ABCA10: variants seen among roughly 807,000 people sequenced by gnomAD.
ABCA10 encodes ATP-binding cassette sub-family A member 10.
Under a neutral mutation model 187.5 loss-of-function variants are expected in ABCA10, and 169 were observed. The ratio of observed to expected loss-of-function variants is 0.90; its 90% CI spans 0.80 to 1.02. The LOEUF is 1.02. Among genes scored for constraint, ABCA10 ranks in the 50% least tolerant of loss-of-function variants. ABCA10 has a pLI of 0.00. For missense variants in ABCA10, 1,727 were observed against 1,812.4 expected, an observed-to-expected ratio of 0.95 and a Z score of 0.86; for synonymous variants, 574 against 601.8, an observed-to-expected ratio of 0.95 and a Z score of 0.68.
upstream of ABCA10, chr17:69,233,788 G>C (rs1401321367): frequency 1.3e-5 from 2 of 152,232 alleles, no homozygotes; most frequent in East Asian, 1.9e-4. Flanking sequence ...CTCAGCATTA[G>C]AGCATTAAAG....
At chr17:69,150,351 C>G (rs1328305410) in intron 36 of ABCA10, 2 of 235,150 alleles carry the variant, frequency 8.5e-6, no homozygotes, top group Non-Finnish European at 1.7e-5. Context: ...TTCTTACTTA[C>G]TCTCAAAAAG....
intron 25 of ABCA10, among the ~76,000 whole-genome samples, chr17:69,170,163 C>G (rs915010003): frequency 6.6e-6 from 1 of 151,716 alleles, no homozygotes; most frequent in East Asian, 1.9e-4. Flanking sequence ...TGGCGCACAC[C>G]TGTAGTCCCA....
chr17:69,158,441 G>C (rs1003716200), intron 27 of ABCA10, among the ~76,000 whole-genome samples: 2 of 151,598 alleles, frequency 1.3e-5, no homozygotes, highest in African/African-American at 4.8e-5. Flanking sequence ...TAGAAACCTA[G>C]CTAGAACGTG....
At chr17:69,189,819 A>G (rs1402438477) in intron 18 of ABCA10, among the ~76,000 whole-genome samples, 2 of 152,154 alleles carry the variant, frequency 1.3e-5, no homozygotes, top group African/African-American at 4.8e-5. Flanking sequence ...TTTGTTGAAG[A>G]TCAGATGACT....
chr17:69,228,369 A>G (rs1267847256), intron 1 of ABCA10, among the ~76,000 whole-genome samples: 1 of 151,994 alleles, frequency 6.6e-6, no homozygotes, highest in Non-Finnish European at 1.5e-5. Flanking sequence ...ACACCTCTGA[A>G]TCTAGCCATC....
In ABCA10 at chr17:69,208,502, A is replaced by T. The variant is rs577707754; in HGVS notation, c.1006+6202T>A. Among the ~76,000 whole-genome samples the T allele has an allele frequency of 4.6e-5, 7 of 152,204 alleles. No individual in the cohort carries two copies. The East Asian group carries it at 1.3e-3, about 29-fold the overall frequency. On this transcript the variant is annotated intron_variant, in intron 9 of 38. Transcript: ENST00000690296. ...AAACCAAAAATTTAGTATGGCACAG[A>T]ATTACAAAACAGAAAAAATTTAACT...
chr17:69,218,117 C>T (rs1047283597), intron 6 of ABCA10, among the ~76,000 whole-genome samples: 4 of 152,044 alleles, frequency 2.6e-5, no homozygotes, highest in East Asian at 1.9e-4. Flanking sequence ...ATGTACCCCA[C>T]AGTATATACA....
chr17:69,222,315 G>A (rs1485055200), intron 4 of ABCA10, among the ~76,000 whole-genome samples: 1 of 147,552 alleles, frequency 6.8e-6, no homozygotes, highest in Non-Finnish European at 1.5e-5. Context: ...TCCAGCCAGG[G>A]TGACAGAGGG....
upstream of ABCA10, chr17:69,228,835 C>T (rs574088199): frequency 2.6e-5 from 4 of 151,868 alleles, no homozygotes; most frequent in Non-Finnish European, 4.4e-5. Context: ...GTTGGCTGAG[C>T]GCATCATTGG....
At chr17:69,157,994 C>T (rs2074187023) in intron 27 of ABCA10, among the ~76,000 whole-genome samples, 1 of 151,666 alleles carries the variant, frequency 6.6e-6, no homozygotes, top group African/African-American at 2.4e-5. Flanking sequence ...ATTAATCATT[C>T]TTAACAGAGG....
chr17:69,237,953 G>A (rs1052616649), intron 1 of ABCA10, among the ~76,000 whole-genome samples: 2 of 152,152 alleles, frequency 1.3e-5, no homozygotes, highest in South Asian at 4.2e-4. Flanking sequence ...ATGAGGTCAG[G>A]AGTTTGAGAC....
chr17:69,182,957 A>T, intron 20 of ABCA10, 149 bp from the exon 21 acceptor site: 1 of 853,388 alleles, frequency 1.2e-6, no homozygotes, highest in South Asian at 2.8e-5. Flanking sequence ...GTACAATACT[A>T]TTCATTCTGA....
At chr17:69,153,597 T>C (rs768365311) in intron 32 of ABCA10, 51 bp from the exon 33 acceptor site, 1 of 1,598,694 alleles carries the variant, frequency 6.3e-7, no homozygotes, top group Non-Finnish European at 8.5e-7. Context: ...AATGGACCTA[T>C]CTAAAACAAC....
chr17:69,160,674 C>T (rs2074210471), intron 27 of ABCA10, among the ~76,000 whole-genome samples: 1 of 151,898 alleles, frequency 6.6e-6, no homozygotes, highest in Non-Finnish European at 1.5e-5. Flanking sequence ...ATATAAATGG[C>T]CAACATTAAA....
intron 25 of ABCA10, among the ~76,000 whole-genome samples, chr17:69,166,511 C>CT (rs2074256047): frequency 6.6e-6 from 1 of 152,072 alleles, no homozygotes; most frequent in Admixed American, 6.6e-5. Flanking sequence ...AAACCTTGCA[C>CT]TTTTTTTGAA....
chr17:69,182,398 A>G, intron 21 of ABCA10, 108 bp from the exon 22 acceptor site: 1 of 1,070,928 alleles, frequency 9.3e-7, no homozygotes, highest in Non-Finnish European at 1.2e-6. Context: ...GAGACTATTA[A>G]TTTTTCTTTG....
At chr17:69,194,270 C>A in intron 12 of ABCA10, 115 bp downstream of exon 12, 1 of 871,780 alleles carries the variant, frequency 1.1e-6, no homozygotes, top group South Asian at 1.5e-5. Context: ...ATATTTCCTG[C>A]TCTAAATTAT....
chr17:69,220,028 A>C (rs983544444), intron 5 of ABCA10, among the ~76,000 whole-genome samples: 6 of 152,220 alleles, frequency 3.9e-5, no homozygotes, highest in African/African-American at 1.2e-4. Flanking sequence ...ATTCAAACAG[A>C]AACACTCTTC....
intron 14 of ABCA10, 111 bp from the exon 15 acceptor site, chr17:69,193,359 T>A (rs1000612289): frequency 2.6e-6 from 4 of 1,515,780 alleles, no homozygotes; most frequent in East Asian, 2.3e-5. Flanking sequence ...CTCCACCAGA[T>A]CCCTAACAAG....
Sources: gnomAD v4.1 joint callset for allele counts (sites outside exome capture counted in the v4.1 genomes callset) on GRCh38, gnomAD v4.1.1 for gene constraint, MANE v1.5 for transcripts, NCBI Gene and HGNC (gene_info 2026-07-23, HGNC 2026-07-21) for gene names.